GRIK3: variants seen among roughly 807,000 people sequenced by gnomAD.
GRIK3 encodes glutamate receptor ionotropic, kainate 3.
In GRIK3, 29 loss-of-function variants were observed where a neutral mutation model predicts 102.5. The observed-to-expected ratio is 0.28, with a 90% CI of 0.21 to 0.39. The LOEUF (loss-of-function observed/expected upper bound fraction) is 0.39, where lower values mean the gene tolerates loss of function less well. Among genes scored for constraint, GRIK3 ranks in the 10% least tolerant of loss-of-function variants. GRIK3 has a pLI of 1.00. For missense variants in GRIK3, 908 were observed against 1,252.4 expected (o/e 0.73, Z 4.15); for synonymous variants, 511 against 504.9 (o/e 1.01, Z -0.16).
At chr1:36,979,594 A>C (rs3753773) in intron 1 of GRIK3, among the ~76,000 whole-genome samples, 23,550 of 152,182 alleles carry the variant, frequency 0.15, 2,525 homozygotes, top group African/African-American at 0.31. Context: ...AAGGGAGAGG[A>C]ACTTGACTCA....
At chr1:36,889,864 A>C (rs1005264808) in intron 2 of GRIK3, among the ~76,000 whole-genome samples, 3 of 152,066 alleles carry the variant, frequency 2.0e-5, no homozygotes, top group Admixed American at 1.3e-4. Context: ...GGGCCTCTGC[A>C]CTCTGATTCC....
rs12138906 is a variant in GRIK3 at position 36,962,817 on chromosome 1, G to A, written c.115+71177C>T. Among the ~76,000 whole-genome samples the A allele has an allele frequency of 9.7e-3, 1,458 of 150,686 alleles. 13 individuals are homozygous for A. Among genetic ancestry groups the A allele is most frequent in the Middle Eastern group, 0.041 (12 of 290 alleles). On this transcript the variant is annotated intron_variant, in intron 1 of 15. Transcript: ENST00000373091. ...GAGGATAGCTTGAACCCGGGAGGCG[G>A]AGGTTGCAGTGAGCCGAGATCGTGC... is the stretch of plus-strand genomic sequence containing the variant.
At chr1:36,876,017 A>G (rs1040690988) in intron 3 of GRIK3, among the ~76,000 whole-genome samples, 2 of 152,190 alleles carry the variant, frequency 1.3e-5, no homozygotes, top group African/African-American at 4.8e-5. Context: ...GCTATACAGG[A>G]TTGTCTTCTA....
At chr1:36,975,784 T>C (rs1642190310) in intron 1 of GRIK3, among the ~76,000 whole-genome samples, 1 of 152,254 alleles carries the variant, frequency 6.6e-6, no homozygotes, top group South Asian at 2.1e-4. Context: ...TCATTACAGC[T>C]GCAAATTCTT....
At chr1:36,907,311 C>T (rs1205439940) in intron 1 of GRIK3, among the ~76,000 whole-genome samples, 1 of 152,144 alleles carries the variant, frequency 6.6e-6, no homozygotes, top group Non-Finnish European at 1.5e-5. Flanking sequence ...AGAAAGGGAA[C>T]AGAGATGAAG....
At chr1:37,023,691 G>A (rs1490753455) in intron 1 of GRIK3, among the ~76,000 whole-genome samples, 1 of 152,206 alleles carries the variant, frequency 6.6e-6, no homozygotes, top group African/African-American at 2.4e-5. Flanking sequence ...TCAGATGGCA[G>A]GAAGCATGCG....
chr1:36,961,095 C>G (rs1642003767), intron 1 of GRIK3, among the ~76,000 whole-genome samples: 1 of 152,240 alleles, frequency 6.6e-6, no homozygotes, highest in African/African-American at 2.4e-5. Flanking sequence ...CCCTGTTTCG[C>G]TGGTTTCTGC....
At position 36,835,456 on chromosome 1, in the gene GRIK3, A is replaced by G. The variant is rs142739411; in HGVS notation, c.1530+6280T>C. On this transcript the variant is annotated intron_variant, in intron 10 of 15. Transcript: ENST00000373091. ...TAAAGTTTTTCCAGGGTGCAGACTC[A>G]CAGACTGAGACATTAGTCACCCTCT... 3.0e-4 allele frequency among the ~76,000 whole-genome samples: 45 copies of G among 152,306 alleles called. 2 individuals are homozygous for G. In the East Asian group the frequency reaches 8.1e-3, roughly 27 times the overall value.
rs139604805 is a variant in GRIK3, at chr1:36,896,245, CTTAA to C, written c.116-5153_116-5150del. On this transcript the variant is annotated intron_variant, in intron 1 of 15. Coordinates refer to ENST00000373091, the MANE Select transcript of GRIK3 (RefSeq NM_000831.4). ...ATTTAAAAAATGTATTTTTCTTACT[CTTAA>C]TTGATTTAACAGACAATAGTTTGTT... is the stretch of plus-strand genomic sequence containing the variant. 3.9e-3 allele frequency among the ~76,000 whole-genome samples: 601 copies of C among 152,230 alleles called. 4 individuals carry two copies. Among genetic ancestry groups the C allele is most frequent in the South Asian group, 0.012 (56 of 4,822 alleles).
In GRIK3 at chr1:36,859,598, T is replaced by C. The variant is rs188403365; in HGVS notation, c.960+246A>G. Among the ~76,000 whole-genome samples the C allele has an allele frequency of 1.3e-3, 191 of 151,818 alleles. 2 individuals are homozygous for C. The Middle Eastern group carries it at 0.024, about 19-fold the overall frequency. On this transcript the variant is annotated intron_variant, in intron 6 of 15. Coordinates refer to ENST00000373091, the MANE Select transcript of GRIK3 (RefSeq NM_000831.4). ...TGAGTTCCTCTGTGACCTGCATCTC[T>C]GGGCCTTATTCCTGTTCTTTGTGAC...
chr1:36,867,936 C>T (rs1640803553), intron 5 of GRIK3, among the ~76,000 whole-genome samples: 1 of 152,142 alleles, frequency 6.6e-6, no homozygotes. Flanking sequence ...GAAGCTTTGG[C>T]CCCTCAGCCC....
Position 37,034,208 on chromosome 1 carries a change from GGCCCAGCCGCCCGGCTCCCGA to G in GRIK3, c.-121_-101del. 3.9e-6 allele frequency: 1 copy of G among 254,354 alleles called. No individual in the cohort carries two copies. Among genetic ancestry groups the G allele is most frequent in the Non-Finnish European group, 7.3e-6 (1 of 136,552 alleles). 15.8% of individuals were successfully genotyped at this position (254,354 alleles called of 1,614,324 possible). On this transcript the variant is annotated 5_prime_UTR_variant, in exon 1 of 16. Coordinates refer to ENST00000373091, the MANE Select transcript of GRIK3 (RefSeq NM_000831.4). ...CGCAGCAGCCCCGAAGGCGCCGCCT[GGCCCAGCCGCCCGGCTCCCGA>G]GCGCCGCTGCAAGTGGGGGGCGCCC...
At chr1:37,032,034 C>T (rs948857818) in intron 1 of GRIK3, among the ~76,000 whole-genome samples, 3 of 152,160 alleles carry the variant, frequency 2.0e-5, no homozygotes, top group Non-Finnish European at 2.9e-5. Context: ...TGGGCTGACA[C>T]GCTAATTAAT....
chr1:36,903,553 A>G (rs766879315), intron 1 of GRIK3, among the ~76,000 whole-genome samples: 2 of 152,256 alleles, frequency 1.3e-5, no homozygotes, highest in African/African-American at 2.4e-5. Flanking sequence ...TTGCCCAAAC[A>G]TGGGAGAAAT....
At chr1:36,925,411 C>G (rs140594553) in intron 1 of GRIK3, among the ~76,000 whole-genome samples, 23 of 152,372 alleles carry the variant, frequency 1.5e-4, no homozygotes, top group East Asian at 1.9e-4. Flanking sequence ...GCCCTCGGAG[C>G]CTTTCCCCTG....
At chr1:36,894,584 C>G (rs965942741) in intron 1 of GRIK3, among the ~76,000 whole-genome samples, 1 of 152,176 alleles carries the variant, frequency 6.6e-6, no homozygotes, top group African/African-American at 2.4e-5. Context: ...GGTCACAGGG[C>G]AAACCACTGC....
intron 8 of GRIK3, among the ~76,000 whole-genome samples, chr1:36,852,853 C>G (rs1307833752): frequency 6.6e-6 from 1 of 152,146 alleles, no homozygotes; most frequent in East Asian, 1.9e-4. Flanking sequence ...GAATCCAGGT[C>G]CCAGGGGATG....
rs114612118 is a variant in GRIK3 at position 36,810,808 on chromosome 1, C to T, written c.2092-4482G>A. 9.5e-3 allele frequency among the ~76,000 whole-genome samples: 1,451 copies of T among 152,330 alleles called. 12 individuals carry two copies. Among genetic ancestry groups the T allele is most frequent in the Non-Finnish European group, 0.014 (926 of 68,036 alleles). ...GGGTCATTTCTGTGGGGACAGGAGG[C>T]CTCTTTGGAGTCCATGGCCTCTGCC... is the stretch of plus-strand genomic sequence containing the variant. On this transcript the variant is annotated intron_variant, in intron 13 of 15. Coordinates refer to ENST00000373091, the MANE Select transcript of GRIK3 (RefSeq NM_000831.4).
intron 1 of GRIK3, among the ~76,000 whole-genome samples, chr1:36,928,409 T>C (rs1641552307): frequency 6.6e-6 from 1 of 152,190 alleles, no homozygotes; most frequent in South Asian, 2.1e-4. Flanking sequence ...CAAAGGATGG[T>C]GTGACCTGGT....
Sources: gnomAD v4.1 joint callset for allele counts (sites outside exome capture counted in the v4.1 genomes callset) on GRCh38, gnomAD v4.1.1 for gene constraint, MANE v1.5 for transcripts, NCBI Gene and HGNC (gene_info 2026-07-23, HGNC 2026-07-21) for gene names.